Variants in HAT1 observed in about 807,000 individuals in gnomAD.
HAT1 encodes the protein histone acetyltransferase 1.
Under a neutral mutation model 56.6 loss-of-function variants are expected in HAT1, and 20 were observed. The observed-to-expected ratio is 0.35, with a 90% CI of 0.25 to 0.51. The LOEUF is 0.51. Among genes scored for constraint, HAT1 ranks in the 20% least tolerant of loss-of-function variants. The probability of loss-of-function intolerance (pLI) is 0.95; values close to 1 mark genes in which losing one functional copy is unlikely to be tolerated. For missense variants in HAT1, 408 were observed against 504.3 expected, an observed-to-expected ratio of 0.81 and a Z score of 1.83; for synonymous variants, 146 against 165.5, an observed-to-expected ratio of 0.88 and a Z score of 0.91.
intron 2 of HAT1, 135 bp downstream of exon 2, chr2:171,925,776 CAT>C (rs1256300556): frequency 1.5e-5 from 8 of 534,466 alleles, no homozygotes; most frequent in Non-Finnish European, 2.7e-5. Context: ...ATTTATTGAA[CAT>C]ATTCAGATTT....
chr2:171,946,511 A>G (rs1265517763), intron 2 of HAT1, among the ~76,000 whole-genome samples, 197 bp from the exon 3 acceptor site: 1 of 152,234 alleles, frequency 6.6e-6, no homozygotes, highest in Non-Finnish European at 1.5e-5. Context: ...CACTCAAAGT[A>G]ATATTTTAAT....
At chr2:171,940,920 A>G (rs1247526478) in intron 2 of HAT1, among the ~76,000 whole-genome samples, 1 of 152,128 alleles carries the variant, frequency 6.6e-6, no homozygotes, top group Non-Finnish European at 1.5e-5. Context: ...CTCTTCAGTG[A>G]TATTTGTTTT....
intron 2 of HAT1, 61 bp downstream of exon 2, chr2:171,925,702 A>G (rs992182427): frequency 5.5e-6 from 4 of 721,916 alleles, no homozygotes; most frequent in Non-Finnish European, 9.8e-6. Flanking sequence ...ATAATCTTTC[A>G]TTTTAAATTT....
At chr2:171,928,976 A>G (rs934315556) in intron 2 of HAT1, among the ~76,000 whole-genome samples, 4 of 152,136 alleles carry the variant, frequency 2.6e-5, no homozygotes, top group South Asian at 2.1e-4. Context: ...TGCTGGGTCA[A>G]TAGGGTATTT....
chr2:171,961,040 G>A (rs748206386), intron 4 of HAT1, among the ~76,000 whole-genome samples: 11 of 152,116 alleles, frequency 7.2e-5, no homozygotes, highest in Non-Finnish European at 1.5e-4. Flanking sequence ...TACTCAGGAG[G>A]GTGAGGCAGG....
intron 4 of HAT1, among the ~76,000 whole-genome samples, chr2:171,954,369 G>A (rs1687388070): frequency 6.6e-6 from 1 of 152,136 alleles, no homozygotes; most frequent in African/African-American, 2.4e-5. Flanking sequence ...TAAAGTGAGT[G>A]TATCAAAAGG....
intron 8 of HAT1, among the ~76,000 whole-genome samples, chr2:171,972,232 TTTGTTTTTG>T (rs1687834060): frequency 6.6e-6 from 1 of 150,830 alleles, no homozygotes; most frequent in African/African-American, 2.4e-5. Context: ...TTTTTGTTTG[TTTGTTTTTG>T]TTGTTTTTTT....
At chr2:171,925,483 T>C in intron 1 of HAT1, 54 bp from the exon 2 acceptor site, 1 of 806,830 alleles carries the variant, frequency 1.2e-6, no homozygotes. Context: ...CTATTGCAGG[T>C]TTGACAATTT....
chr2:171,970,430 T>C (rs369137246), intron 8 of HAT1, among the ~76,000 whole-genome samples: 109 of 140,408 alleles, frequency 7.8e-4, no homozygotes, highest in African/African-American at 2.8e-3. Context: ...CACACACACA[T>C]ACACACACAC....
At chr2:171,964,413 GA>G (rs1194158179) in intron 4 of HAT1, among the ~76,000 whole-genome samples, 1 of 152,130 alleles carries the variant, frequency 6.6e-6, no homozygotes, top group Non-Finnish European at 1.5e-5. Flanking sequence ...CATTGTTCAG[GA>G]AAAAGTTTGA....
chr2:171,929,649 A>G lies in HAT1; in HGVS notation c.112+4008A>G, dbSNP rs192225036. Among the ~76,000 whole-genome samples, 11 of 152,324 alleles carry G rather than the reference A, an allele frequency of 7.2e-5. No homozygotes were observed. The East Asian group carries it at 1.2e-3, about 16-fold the overall frequency. ...CATCTCATGTTATTTTTCATGTCCAATATGAGGAAAGGGATTAAGGTTTGT... is the reference window on the plus strand; with the variant it reads ...CATCTCATGTTATTTTTCATGTCCAGTATGAGGAAAGGGATTAAGGTTTGT... On this transcript the variant is annotated intron_variant, in intron 2 of 10. Coordinates refer to ENST00000264108, the MANE Select transcript of HAT1 (RefSeq NM_003642.4).
intron 2 of HAT1, among the ~76,000 whole-genome samples, chr2:171,944,028 C>T (rs547855145): frequency 1.3e-5 from 2 of 151,874 alleles, no homozygotes; most frequent in South Asian, 4.2e-4. Flanking sequence ...CGCTTGTAGT[C>T]TCAGCTACTT....
At chr2:171,977,385 C>T (rs1485199177) in intron 9 of HAT1, among the ~76,000 whole-genome samples, 2 of 141,148 alleles carry the variant, frequency 1.4e-5, no homozygotes, top group African/African-American at 2.6e-5. Flanking sequence ...TCGCTTAAAC[C>T]TGGGAGGCGG....
chr2:171,929,818 C>A (rs1686692762), intron 2 of HAT1, among the ~76,000 whole-genome samples: 1 of 152,176 alleles, frequency 6.6e-6, no homozygotes, highest in Non-Finnish European at 1.5e-5. Context: ...CAATATCGTA[C>A]TGTCTGGATT....
At chr2:171,937,553 C>T (rs1486959810) in intron 2 of HAT1, among the ~76,000 whole-genome samples, 1 of 151,984 alleles carries the variant, frequency 6.6e-6, no homozygotes, top group Non-Finnish European at 1.5e-5. Flanking sequence ...AAGGGAGTGG[C>T]AGCAAAAGAA....
intron 2 of HAT1, among the ~76,000 whole-genome samples, chr2:171,945,205 G>T (rs982707553): frequency 6.6e-6 from 1 of 151,840 alleles, no homozygotes; most frequent in Non-Finnish European, 1.5e-5. Context: ...AATTGCTTAA[G>T]AATTTTTTAA....
intron 7 of HAT1, 125 bp downstream of exon 7, chr2:171,966,638 G>A (rs1410945226): frequency 6.1e-6 from 4 of 651,054 alleles, no homozygotes; most frequent in Non-Finnish European, 8.3e-6. Context: ...CATGGGCTAT[G>A]TACTGATTTA....
At chr2:171,926,490 T>A (rs1393072961) in intron 2 of HAT1, among the ~76,000 whole-genome samples, 1 of 152,042 alleles carries the variant, frequency 6.6e-6, no homozygotes, top group Non-Finnish European at 1.5e-5. Context: ...AGACGGTTTC[T>A]CCATGTTGGT....
intron 4 of HAT1, among the ~76,000 whole-genome samples, chr2:171,958,408 C>T (rs1282390435): frequency 6.6e-6 from 1 of 151,528 alleles, no homozygotes; most frequent in Non-Finnish European, 1.5e-5. Context: ...TATCTTTCCC[C>T]TTTTGACCAT....
Sources: allele counts gnomAD v4.1 joint callset (sites outside exome capture counted in the v4.1 genomes callset), GRCh38; gene constraint gnomAD v4.1.1; transcripts MANE v1.5; gene names NCBI Gene and HGNC (gene_info 2026-07-23, HGNC 2026-07-21).